MFAP4: variants seen among roughly 807,000 people sequenced by gnomAD.
MFAP4 encodes the protein microfibril associated protein 4.
Under a neutral mutation model 32.4 loss-of-function variants are expected in MFAP4, and 20 were observed. That is an observed-to-expected ratio of 0.62 (90% CI 0.43 to 0.90). MFAP4 has a LOEUF of 0.90. Among genes scored for constraint, MFAP4 ranks in the 40% least tolerant of loss-of-function variants. The pLI is 0.00. For missense variants in MFAP4, 267 were observed against 329.5 expected (o/e 0.81, Z 1.47); for synonymous variants, 146 against 137.4 (o/e 1.06, Z -0.44).
At chr17:19,385,024 TG>T (rs1742449168) in intron 5 of MFAP4, 74 bp downstream of exon 5, 1 of 1,523,334 alleles carries the variant, frequency 6.6e-7, no homozygotes, top group African/African-American at 1.4e-5. Context: ...TGAAGGAGGT[TG>T]GGGCTGACTG....
intron 1 of MFAP4, 52 bp downstream of exon 1, chr17:19,387,098 G>T: frequency 1.2e-6 from 2 of 1,612,896 alleles, no homozygotes; most frequent in Non-Finnish European, 1.7e-6. Flanking sequence ...GGGGCCTCTG[G>T]AGTGGGCTCA....
chr17:19,384,621 G>C lies in MFAP4; in HGVS notation c.609C>G (p.Ser203=), dbSNP rs1912953585. 6.2e-7 allele frequency: 1 copy of C among 1,614,078 alleles called. No homozygotes were observed. Residue 203 remains serine, a synonymous_variant, in exon 6 of 6, where the codon TCC becomes TCG. Coordinates refer to ENST00000299610, the MANE Select transcript of MFAP4 (RefSeq NM_002404.3). Reference sequence around the variant, plus strand: ...AGCTGCGGAACCAGAAGGCTCCTGAGGAGAGAGCTGCGCAGTTCTGCACAA... The same window carrying C: ...AGCTGCGGAACCAGAAGGCTCCTGACGAGAGAGCTGCGCAGTTCTGCACAA... ...DLFVQNCAAL[S]SGAFWFRSCH...
At position 19,386,456 on chromosome 17, in the gene MFAP4, T is replaced by C. The variant is rs756916648; in HGVS notation, c.94A>G (p.Arg32Gly). 49 of 1,612,124 alleles carry C rather than the reference T, an allele frequency of 3.0e-5. No homozygotes were observed. Among genetic ancestry groups the C allele is most frequent in the Non-Finnish European group, 3.6e-5 (43 of 1,179,088 alleles). Residue 32 changes from arginine (R) to glycine (G), a missense_variant, in exon 3 of 6, where the codon AGG (arginine) becomes GGG (glycine). Arg to Gly is a moderately radical substitution (Grantham distance 125). Coordinates refer to ENST00000299610, the MANE Select transcript of MFAP4 (RefSeq NM_002404.3). The part of the protein sequence containing the change: ...VSGIRGDALE[R>G]FCLQQPLDCD... ...TCCAGGGGTTGCTGAAGGCAAAACC[T>C]CTCCAGAGCTGGGGGTAGGGACATG...
chr17:19,386,941 C>A, intron 1 of MFAP4, 103 bp from the exon 2 acceptor site: 1 of 1,427,030 alleles, frequency 7.0e-7, no homozygotes, highest in Non-Finnish European at 9.6e-7. Context: ...CTGCCCTTGC[C>A]TGAATCCCTC....
At chr17:19,386,972 T>TGGGGGGGGCCCCCCCCCCC in intron 1 of MFAP4, 134 bp from the exon 2 acceptor site, 1 of 937,014 alleles carries the variant, frequency 1.1e-6, no homozygotes, top group Non-Finnish European at 1.7e-6. Flanking sequence ...TGGCCCCTCT[T>TGGGGGGGGCCCCCCCCCCC]CCCTGCCCCC....
intron 3 of MFAP4, 115 bp from the exon 4 acceptor site, chr17:19,385,569 C>G: frequency 3.5e-4 from 184 of 528,848 alleles, no homozygotes; most frequent in East Asian, 9.8e-4. Flanking sequence ...TGTTAAAGGA[C>G]TGGGTTGGGG....
chr17:19,384,079 T>G lies in MFAP4; in HGVS notation c.*383A>C, dbSNP rs1318676234. On this transcript the variant is annotated 3_prime_UTR_variant, in exon 6 of 6. Transcript: ENST00000299610. ...CACACTAGGGTGGCCCAGACAGGGG[T>G]CCACAGTGAGGAAGCAGGACAAGAT... 6.8e-6 allele frequency: 2 copies of G among 295,080 alleles called. No individual in the cohort carries two copies. The highest frequency in any genetic ancestry group is 1.3e-5 in the Non-Finnish European group (2 of 149,458). 18.3% of individuals were successfully genotyped at this position (295,080 alleles called of 1,614,324 possible). A position where few individuals can be genotyped will look rare whatever the true frequency, so the allele number is the denominator to read the frequency against.
chr17:19,386,442 C>G lies in MFAP4; in HGVS notation c.108G>C (p.Gln36His). The change falls in exon 3 of 6, where the codon CAG becomes CAC. Residue 36 changes from glutamine to histidine, a missense_variant. Transcript: ENST00000299610. ...AGATGTCGTCACAGTCCAGGGGTTG[C>G]TGAAGGCAAAACCTCTCCAGAGCTG... ...RGDALERFCL[Q>H]QPLDCDDIYA... is the part of the protein sequence containing the mutation. 6.2e-7 allele frequency: 1 copy of G among 1,613,446 alleles called. No individual in the cohort carries two copies. The highest frequency in any genetic ancestry group is 1.1e-5 in the South Asian group (1 of 90,980).
At chr17:19,387,004 C>T (rs1284307987) in intron 1 of MFAP4, 146 bp downstream of exon 1, 1 of 919,440 alleles carries the variant, frequency 1.1e-6, no homozygotes, top group Non-Finnish European at 1.7e-6. Flanking sequence ...GCCAAGTAAC[C>T]CCACTCTCTG....
Position 19,384,256 on chromosome 17 carries a change from T to C in MFAP4, c.*206A>G. 1.7e-6 allele frequency: 1 copy of C among 602,486 alleles called. No individual in the cohort carries two copies. Among genetic ancestry groups the C allele is most frequent in the South Asian group, 2.0e-5 (1 of 49,874 alleles). 37.3% of individuals were successfully genotyped at this position (602,486 alleles called of 1,614,324 possible). A position where few individuals can be genotyped will look rare whatever the true frequency, so the allele number is the denominator to read the frequency against. ...CCTGGGGAACTGCTGGCAGTGTAACTTCAGGTGTAGGGGAGCCGGGTCTGG... is the reference window on the plus strand; with the variant it reads ...CCTGGGGAACTGCTGGCAGTGTAACCTCAGGTGTAGGGGAGCCGGGTCTGG... On this transcript the variant is annotated 3_prime_UTR_variant, in exon 6 of 6. Transcript: ENST00000299610.
At chr17:19,386,978 C>CCCCCCCCCCCCCCCCCCCCCCCAAA in intron 1 of MFAP4, 140 bp from the exon 2 acceptor site, 1 of 455,548 alleles carries the variant, frequency 2.2e-6, no homozygotes, top group Non-Finnish European at 4.3e-6. Flanking sequence ...CTCTTCCCTG[C>CCCCCCCCCCCCCCCCCCCCCCCAAA]CCCCCCACCC....
intron 1 of MFAP4, 134 bp from the exon 2 acceptor site, chr17:19,386,972 T>TGCCAGGGCCCCCCCCCC: frequency 6.4e-6 from 6 of 937,002 alleles, no homozygotes; most frequent in South Asian, 1.4e-5. Flanking sequence ...TGGCCCCTCT[T>TGCCAGGGCCCCCCCCCC]CCCTGCCCCC....
rs1286796692 is a variant in MFAP4 at position 19,384,301 on chromosome 17, G to A, written c.*161C>T. 3 of 844,090 alleles carry A rather than the reference G, an allele frequency of 3.6e-6. No homozygotes were observed. Among genetic ancestry groups the A allele is most frequent in the Non-Finnish European group, 5.4e-6 (3 of 557,440 alleles). The allele number at this position is 844,090 out of a possible 1,614,324, so 52.3% of individuals were successfully genotyped here. ...GTCTGGCTTAGGAATGGATGCCCTG[G>A]GTGTGTGACAGGGATGTGGCATGGC... On this transcript the variant is annotated 3_prime_UTR_variant, in exon 6 of 6. Coordinates refer to ENST00000299610, the MANE Select transcript of MFAP4 (RefSeq NM_002404.3).
At chr17:19,386,004 A>C (rs899944773) in intron 3 of MFAP4, among the ~76,000 whole-genome samples, 2 of 152,200 alleles carry the variant, frequency 1.3e-5, no homozygotes, top group African/African-American at 4.8e-5. Flanking sequence ...CTGTAATCCC[A>C]GCTACTCGGG....
At position 19,385,290 on chromosome 17, in the gene MFAP4, G is replaced by A. The variant is rs1912989689; in HGVS notation, c.338-9C>T. 2 of 1,614,120 alleles carry A rather than the reference G, an allele frequency of 1.2e-6. No individual in the cohort carries two copies. The highest frequency in any genetic ancestry group is 1.3e-5 in the African/African-American group (1 of 74,952). ...GTGCATGTTCTGCAGCCCTGGGGAGGAGGGGCAGCTGGTCAACAAGGACCT... is the reference window on the plus strand; with the variant it reads ...GTGCATGTTCTGCAGCCCTGGGGAGAAGGGGCAGCTGGTCAACAAGGACCT... On this transcript the variant is annotated splice_polypyrimidine_tract_variant and intron_variant, in intron 4 of 5. Coordinates refer to ENST00000299610, the MANE Select transcript of MFAP4 (RefSeq NM_002404.3).
chr17:19,386,976 T>TTACCCCCCCCCCCCCCCC, intron 1 of MFAP4, 138 bp from the exon 2 acceptor site: 1 of 590,550 alleles, frequency 1.7e-6, no homozygotes, highest in South Asian at 1.6e-5. Context: ...CCCTCTTCCC[T>TTACCCCCCCCCCCCCCCC]GCCCCCCCAC....
chr17:19,384,235 G>C lies in MFAP4; in HGVS notation c.*227C>G, dbSNP rs1912937725. The C allele has an allele frequency of 5.4e-6, 3 of 559,228 alleles. No individual in the cohort carries two copies. The highest frequency in any genetic ancestry group is 3.1e-5 in the Admixed American group (1 of 32,206). The allele number at this position is 559,228 out of a possible 1,614,324, so 34.6% of individuals were successfully genotyped here. ...CCATGTGCCTCTCGGAAGAGGCCTGGGGAACTGCTGGCAGTGTAACTTCAG... is the reference window on the plus strand; with the variant it reads ...CCATGTGCCTCTCGGAAGAGGCCTGCGGAACTGCTGGCAGTGTAACTTCAG... On this transcript the variant is annotated 3_prime_UTR_variant, in exon 6 of 6. Coordinates refer to ENST00000299610, the MANE Select transcript of MFAP4 (RefSeq NM_002404.3).
rs1410981243 is a variant in MFAP4, at chr17:19,385,196, A to G, written c.423T>C (p.Tyr141=). The G allele has an allele frequency of 6.2e-7, 1 of 1,614,270 alleles. No individual in the cohort carries two copies. Among genetic ancestry groups the G allele is most frequent in the Non-Finnish European group, 8.5e-7 (1 of 1,180,044 alleles). The part of the protein sequence containing the change: ...DLEDFENNTA[Y]AKYADFSISP... The stretch of plus-strand genomic sequence containing the variant: ...AGATGGAGAAGTCAGCGTACTTGGC[A>G]TAGGCCGTGTTGTTCTCAAAGTCCT... The change falls in exon 5 of 6, where the codon TAT becomes TAC. Residue 141 remains tyrosine, a synonymous_variant. Coordinates refer to ENST00000299610, the MANE Select transcript of MFAP4 (RefSeq NM_002404.3).
chr17:19,384,547 G>C lies in MFAP4; in HGVS notation c.683C>G (p.Ser228Cys). The C allele has an allele frequency of 6.2e-7, 1 of 1,614,042 alleles. No homozygotes were observed. Among genetic ancestry groups the C allele is most frequent in the Non-Finnish European group, 8.5e-7 (1 of 1,179,926 alleles). Residue 228 changes from serine (S) to cysteine (C), a missense_variant, in exon 6 of 6, where the codon TCT becomes TGT. Physicochemically the swap from Ser to Cys is moderately radical, Grantham distance 112 (BLOSUM62 -1). Transcript: ENST00000299610. ...GGCCCAGTTGATGCCATTGGCATAAGAGAGGTGGGAGCCACCTAGGTAGAA... is the reference window on the plus strand; with the variant it reads ...GGCCCAGTTGATGCCATTGGCATAACAGAGGTGGGAGCCACCTAGGTAGAA... ...NGFYLGGSHL[S>C]YANGINWAQW... is the part of the protein sequence containing the mutation.
Sources: allele counts gnomAD v4.1 joint callset (sites outside exome capture counted in the v4.1 genomes callset), GRCh38; gene constraint gnomAD v4.1.1; transcripts MANE v1.5; gene names NCBI Gene and HGNC (gene_info 2026-07-23, HGNC 2026-07-21).